Variants in CNOT4 observed in about 807,000 individuals in gnomAD.
CNOT4 encodes the protein CCR4-NOT transcription complex subunit 4.
CNOT4 carries 8 observed loss-of-function variants against 73.8 expected under a neutral mutation model. That is an observed-to-expected ratio of 0.11 (90% CI 0.06 to 0.20). The LOEUF (loss-of-function observed/expected upper bound fraction) is 0.20. CNOT4 is among the 10% of genes least tolerant of loss of function. The probability of loss-of-function intolerance (pLI) is 1.00; values close to 1 mark genes in which losing one functional copy is unlikely to be tolerated. For missense variants in CNOT4, 564 were observed against 883.4 expected, an observed-to-expected ratio of 0.64 and a Z score of 4.58; for synonymous variants, 293 against 321.1, an observed-to-expected ratio of 0.91 and a Z score of 0.94.
intron 2 of CNOT4, among the ~76,000 whole-genome samples, chr7:135,429,853 G>A (rs1471200101): frequency 6.6e-6 from 1 of 152,172 alleles, no homozygotes; most frequent in Non-Finnish European, 1.5e-5. Flanking sequence ...TGCTCTTCCA[G>A]TACTTACCAG....
At chr7:135,431,731 G>T (rs1358149989) in intron 2 of CNOT4, among the ~76,000 whole-genome samples, 2 of 123,834 alleles carry the variant, frequency 1.6e-5, no homozygotes, top group East Asian at 4.7e-4. Flanking sequence ...TGACATGAGT[G>T]AAACTCCATC....
chr7:135,453,241 CACTAAACTGAAAAT>C (rs1800287722), intron 1 of CNOT4, among the ~76,000 whole-genome samples: 1 of 151,958 alleles, frequency 6.6e-6, no homozygotes, highest in Non-Finnish European at 1.5e-5. Flanking sequence ...CAAGGAGAAA[CACTAAACTGAAAAT>C]GAAGTGCAAG....
chr7:135,407,624 A>G (rs899904972), intron 7 of CNOT4, among the ~76,000 whole-genome samples: 2 of 152,200 alleles, frequency 1.3e-5, no homozygotes, highest in Non-Finnish European at 2.9e-5. Flanking sequence ...TAAAACAGGA[A>G]AAAGAAAATC....
intron 2 of CNOT4, among the ~76,000 whole-genome samples, chr7:135,429,135 C>T (rs890451726): frequency 2.6e-5 from 4 of 152,152 alleles, no homozygotes; most frequent in Admixed American, 6.5e-5. Context: ...TTTATAATGG[C>T]TCAATATACT....
intron 10 of CNOT4, chr7:135,386,871 G>A (rs551741049): frequency 6.4e-6 from 1 of 156,614 alleles, no homozygotes; most frequent in Admixed American, 6.5e-5. Context: ...AGAAAGGAAA[G>A]AAGCCTCATT....
chr7:135,401,237 G>A (rs1796984264), intron 7 of CNOT4, among the ~76,000 whole-genome samples: 2 of 152,158 alleles, frequency 1.3e-5, no homozygotes, highest in African/African-American at 4.8e-5. Flanking sequence ...TTAAGGTCTG[G>A]TAATATTAAT....
chr7:135,485,292 G>C (rs1406781002), intron 1 of CNOT4, among the ~76,000 whole-genome samples: 1 of 152,040 alleles, frequency 6.6e-6, no homozygotes, highest in Non-Finnish European at 1.5e-5. Flanking sequence ...GGATAGTCTT[G>C]ATCTCTTGAC....
In CNOT4 at chr7:135,363,201, GA is replaced by G; in HGVS notation, c.1841-16del. On this transcript the variant is annotated splice_polypyrimidine_tract_variant and intron_variant, in intron 11 of 11. Coordinates refer to ENST00000541284, the MANE Select transcript of CNOT4 (RefSeq NM_001190850.2). This position sits in a 1 kb window ranked among gnomAD's most constrained non-coding sequence, Gnocchi z 4.3. ...CGCTGGAATACCTAAGGAGAGAAAA[GA>G]AAAAAGAGGGAAAATGGTGAGTTTG... 1 of 1,608,520 alleles carries G rather than the reference GA, an allele frequency of 6.2e-7. No homozygotes were observed. Among genetic ancestry groups the G allele is most frequent in the Non-Finnish European group, 8.5e-7 (1 of 1,177,870 alleles).
At chr7:135,483,181 TAA>T (rs376143035) in intron 1 of CNOT4, among the ~76,000 whole-genome samples, 6 of 136,736 alleles carry the variant, frequency 4.4e-5, no homozygotes, top group African/African-American at 1.1e-4. Context: ...CAAAAAAATT[TAA>T]AAAAAAAAAA....
At chr7:135,496,631 C>T (rs1010621978) in intron 1 of CNOT4, among the ~76,000 whole-genome samples, 1 of 148,484 alleles carries the variant, frequency 6.7e-6, no homozygotes, top group African/African-American at 2.5e-5. Flanking sequence ...TCTTCCTATT[C>T]CTCTCTCTCT....
At chr7:135,400,808 G>C (rs981094669) in intron 7 of CNOT4, among the ~76,000 whole-genome samples, 7 of 152,062 alleles carry the variant, frequency 4.6e-5, no homozygotes, top group Non-Finnish European at 8.8e-5. Flanking sequence ...TATGGCAAGA[G>C]ACCAGTAAAT....
At chr7:135,395,025 T>A (rs1190780271) in intron 9 of CNOT4, among the ~76,000 whole-genome samples, 2 of 152,118 alleles carry the variant, frequency 1.3e-5, no homozygotes, top group East Asian at 1.9e-4. Context: ...ATAACTTGCA[T>A]CTTTGTCAGC....
chr7:135,399,233 T>C (rs1315047592), intron 7 of CNOT4, among the ~76,000 whole-genome samples: 1 of 152,064 alleles, frequency 6.6e-6, no homozygotes, highest in African/African-American at 2.4e-5. Flanking sequence ...ATAGGTGATT[T>C]TGTCATTGTG....
chr7:135,406,576 G>A (rs12536331), intron 7 of CNOT4, among the ~76,000 whole-genome samples: 33,850 of 151,974 alleles, frequency 0.22, 4,263 homozygotes, highest in East Asian at 0.51. Context: ...TGGGATGATC[G>A]TTTGAGCCTG....
rs781497101 is a variant in CNOT4 at position 135,413,494 on chromosome 7, T to C, written c.681A>G (p.Glu227=). 5 of 1,611,708 alleles carry C rather than the reference T, an allele frequency of 3.1e-6. No homozygotes were observed. The South Asian group carries it at 5.5e-5, about 18-fold the overall frequency. ...ATTCACATGACTTTACTACCTGCATTTCCTCTTTTGTGAAGCTGGCCGCCT... is the reference window on the plus strand; with the variant it reads ...ATTCACATGACTTTACTACCTGCATCTCCTCTTTTGTGAAGCTGGCCGCCT... ...GDEAASFTKE[E]MQAGKHQEYE... Residue 227 remains glutamate (E), a synonymous_variant, in exon 6 of 12, where the codon GAA becomes GAG. Transcript: ENST00000541284.
At chr7:135,485,994 C>A (rs1312680300) in intron 1 of CNOT4, among the ~76,000 whole-genome samples, 1 of 152,066 alleles carries the variant, frequency 6.6e-6, no homozygotes, top group African/African-American at 2.4e-5. Flanking sequence ...GATGAAAAGA[C>A]AAGTTAAAAC....
chr7:135,418,168 G>A (rs951714321), intron 3 of CNOT4, among the ~76,000 whole-genome samples: 1 of 152,180 alleles, frequency 6.6e-6, no homozygotes, highest in African/African-American at 2.4e-5. Context: ...TTAGCAAATG[G>A]CAAGCGGTTG....
intron 1 of CNOT4, among the ~76,000 whole-genome samples, chr7:135,483,923 G>A (rs1032528752): frequency 3.9e-5 from 6 of 152,198 alleles, no homozygotes; most frequent in African/African-American, 1.4e-4. Flanking sequence ...AGGCGTGGTG[G>A]CCCACGCCTG....
chr7:135,456,887 A>G (rs528710891), intron 1 of CNOT4, among the ~76,000 whole-genome samples: 7 of 152,104 alleles, frequency 4.6e-5, no homozygotes, highest in African/African-American at 1.7e-4. Context: ...ACCCATGGAT[A>G]AGGGAGGACT....
Sources: allele counts gnomAD v4.1 joint callset (sites outside exome capture counted in the v4.1 genomes callset), GRCh38; gene constraint gnomAD v4.1.1; non-coding constraint Gnocchi (gnomAD v3.1); transcripts MANE v1.5; gene names NCBI Gene and HGNC (gene_info 2026-07-23, HGNC 2026-07-21).